RASA2: variants seen among roughly 807,000 people sequenced by gnomAD.
RASA2 encodes the protein RAS p21 protein activator 2, also known as ras GTPase-activating protein 2.
A neutral mutation model predicts 118.2 loss-of-function variants in RASA2; 155 were observed. That is an observed-to-expected ratio of 1.31 (90% CI 1.15 to 1.50). The LOEUF (loss-of-function observed/expected upper bound fraction) is 1.50. Among genes scored for constraint, RASA2 ranks in the 40% most tolerant of loss-of-function variants. RASA2 has a pLI of 0.00. For synonymous variants in RASA2, 353 were observed against 349.1 expected, an observed-to-expected ratio of 1.01 and a Z score of -0.12; for missense variants, 1,016 against 1,009.6, an observed-to-expected ratio of 1.01 and a Z score of -0.09.
At chr3:141,554,655 C>G (rs2151114577) in intron 6 of RASA2, among the ~76,000 whole-genome samples, 1 of 152,254 alleles carries the variant, frequency 6.6e-6, no homozygotes, top group East Asian at 1.9e-4. Flanking sequence ...CATACACACC[C>G]CTTTTCCCCA....
At chr3:141,501,695 A>G (rs1163049793) in intron 1 of RASA2, among the ~76,000 whole-genome samples, 1 of 152,214 alleles carries the variant, frequency 6.6e-6, no homozygotes, top group Non-Finnish European at 1.5e-5. Context: ...ATTAAACTTT[A>G]GAAGAAAATT....
At chr3:141,543,534 TC>T (rs1319434475) in intron 5 of RASA2, among the ~76,000 whole-genome samples, 2 of 152,246 alleles carry the variant, frequency 1.3e-5, no homozygotes, top group African/African-American at 4.8e-5. Flanking sequence ...GTTTCACGAT[TC>T]CTTCTGTGAT....
In RASA2 at chr3:141,576,976, C is replaced by G. The variant is rs755408563; in HGVS notation, c.1484-24C>G. 16 of 1,444,686 alleles carry G rather than the reference C, an allele frequency of 1.1e-5. 1 individual carries two copies. The allele number at this position is 1,444,686 out of a possible 1,614,324, so 89.5% of individuals were successfully genotyped here. A position where few individuals can be genotyped will look rare whatever the true frequency, so the allele number is the denominator to read the frequency against. On this transcript the variant is annotated intron_variant, in intron 14 of 23. Coordinates refer to ENST00000286364, the MANE Select transcript of RASA2 (RefSeq NM_006506.5). ...GTTTTTTAATTGTTTTTGTGCATGA[C>G]ATTTCACCATTTTTTTCCTGCAGAT...
Position 141,609,461 on chromosome 3 carries a change from G to A in RASA2, c.2267G>A (p.Arg756Lys). 6.2e-7 allele frequency: 1 copy of A among 1,605,750 alleles called. No individual in the cohort carries two copies. The highest frequency in any genetic ancestry group is 8.5e-7 in the Non-Finnish European group (1 of 1,174,186). Residue 756 changes from arginine to lysine, a missense_variant, in exon 22 of 24, where the codon AGA becomes AAA. Around this residue, in one of 2 missense-constraint regions of RASA2, gnomAD observed 120 missense variants for 173.2 expected, o/e 0.69. Transcript: ENST00000286364. ...ADIQIDIDED[R>K]ETERIYSLFT... ...ATCCAAATAGATATTGATGAAGACA[G>A]AGAAACAGAAAGAATTTATTCCCTT...
chr3:141,569,051 A>G (rs1372618302), intron 9 of RASA2, among the ~76,000 whole-genome samples: 1 of 152,136 alleles, frequency 6.6e-6, no homozygotes, highest in African/African-American at 2.4e-5. Context: ...AAAGACATAT[A>G]TAATACAGTT....
intron 15 of RASA2, chr3:141,578,744 C>T (rs1263016252): frequency 1.3e-5 from 2 of 152,206 alleles, no homozygotes; most frequent in Non-Finnish European, 2.9e-5. Context: ...AGAACACCTA[C>T]TTCTGAACTT....
At chr3:141,545,357 G>A (rs1015894475) in intron 5 of RASA2, among the ~76,000 whole-genome samples, 4 of 152,046 alleles carry the variant, frequency 2.6e-5, no homozygotes, top group Non-Finnish European at 5.9e-5. Context: ...ATCTGCTTCT[G>A]GGGAGGCCTC....
intron 1 of RASA2, among the ~76,000 whole-genome samples, chr3:141,510,328 C>A (rs2081932837): frequency 6.6e-6 from 1 of 152,098 alleles, no homozygotes. Flanking sequence ...GATTTCAGCG[C>A]CCATACTTGT....
In RASA2 at chr3:141,539,993, A is replaced by G. The variant is rs78897673; in HGVS notation, c.451-540A>G. Among the ~76,000 whole-genome samples, 745 of 152,234 alleles carry G rather than the reference A, an allele frequency of 4.9e-3. 6 individuals are homozygous for G. The highest frequency in any genetic ancestry group is 0.016 in the African/African-American group (668 of 41,556). ...GCAGTGACTTACATCTTTAACATCT[A>G]TGGATTCCTACCCACTCCCACAGTG... is the stretch of plus-strand genomic sequence containing the variant. On this transcript the variant is annotated intron_variant, in intron 4 of 23. Transcript: ENST00000286364.
chr3:141,572,959 A>G (rs879772796), intron 12 of RASA2, among the ~76,000 whole-genome samples, 188 bp from the exon 13 acceptor site: 12 of 152,336 alleles, frequency 7.9e-5, no homozygotes, highest in Non-Finnish European at 1.3e-4. Context: ...TAGAGTTTCA[A>G]ATATATGACA....
At chr3:141,585,366 C>T (rs2083184138) in intron 17 of RASA2, among the ~76,000 whole-genome samples, 1 of 152,094 alleles carries the variant, frequency 6.6e-6, no homozygotes, top group Non-Finnish European at 1.5e-5. Flanking sequence ...AGTTATACCC[C>T]TAAATGAGTA....
At chr3:141,494,614 G>A (rs1164154875) in intron 1 of RASA2, among the ~76,000 whole-genome samples, 1 of 152,158 alleles carries the variant, frequency 6.6e-6, no homozygotes, top group Non-Finnish European at 1.5e-5. Context: ...TGATCTGCCT[G>A]CTTCAGCCTC....
At chr3:141,505,116 CT>C (rs1237119730) in intron 1 of RASA2, among the ~76,000 whole-genome samples, 11 of 152,198 alleles carry the variant, frequency 7.2e-5, no homozygotes, top group Admixed American at 7.2e-4. Flanking sequence ...TCTTAACCTG[CT>C]TTGTTTTCTT....
chr3:141,583,394 C>T (rs2083147733), intron 17 of RASA2, among the ~76,000 whole-genome samples: 1 of 152,116 alleles, frequency 6.6e-6, no homozygotes, highest in Admixed American at 6.6e-5. Flanking sequence ...CATTGCACTC[C>T]AGCTTGGGCA....
At chr3:141,609,249 C>A (rs1486952974) in intron 21 of RASA2, among the ~76,000 whole-genome samples, 171 bp from the exon 22 acceptor site, 1 of 152,088 alleles carries the variant, frequency 6.6e-6, no homozygotes, top group Admixed American at 6.5e-5. Flanking sequence ...ACATAACAAC[C>A]AAAACTCTCC....
chr3:141,525,447 T>C (rs1287399772), intron 3 of RASA2: 1 of 152,038 alleles, frequency 6.6e-6, no homozygotes, highest in Admixed American at 6.6e-5. Context: ...CACCCAGATG[T>C]GTTTGATTTT....
intron 2 of RASA2, among the ~76,000 whole-genome samples, chr3:141,515,161 G>A (rs948650404): frequency 6.6e-6 from 1 of 152,034 alleles, no homozygotes; most frequent in African/African-American, 2.4e-5. Flanking sequence ...CAATAAAACT[G>A]ATTTAAAAAT....
At position 141,577,099 on chromosome 3, in the gene RASA2, A is replaced by G; in HGVS notation, c.1583A>G (p.His528Arg). ...CCTCATACTTTTCATTTGCGACCTCATCATCCAGTAAGTGTTCATTCTTCT... is the reference window on the plus strand; with the variant it reads ...CCTCATACTTTTCATTTGCGACCTCGTCATCCAGTAAGTGTTCATTCTTCT... ...VSPHTFHLRPHHPDAQTIRTL... is the reference protein window; with the variant it reads ...VSPHTFHLRPRHPDAQTIRTL... The change falls in exon 15 of 24, where the codon CAT (histidine) becomes CGT (arginine). Residue 528 changes from histidine (H) to arginine (R), a missense_variant. Transcript: ENST00000286364. 6.3e-7 allele frequency: 1 copy of G among 1,582,394 alleles called. No individual in the cohort carries two copies. Among genetic ancestry groups the G allele is most frequent in the Non-Finnish European group, 8.7e-7 (1 of 1,154,334 alleles).
chr3:141,552,518 G>A (rs1268247769), intron 5 of RASA2, among the ~76,000 whole-genome samples: 1 of 152,104 alleles, frequency 6.6e-6, no homozygotes, highest in Non-Finnish European at 1.5e-5. Flanking sequence ...TGAGAATTAG[G>A]TGCATTTTGT....
Sources: gnomAD v4.1 joint callset for allele counts (sites outside exome capture counted in the v4.1 genomes callset) on GRCh38, gnomAD v4.1.1 for gene constraint, gnomAD v4.1.1 regional missense constraint, MANE v1.5 for transcripts, NCBI Gene and HGNC (gene_info 2026-07-23, HGNC 2026-07-21) for gene names.